MTUS2: variants seen among roughly 807,000 people sequenced by gnomAD.
MTUS2 encodes the protein microtubule-associated tumor suppressor candidate 2.
A neutral mutation model predicts 114.1 loss-of-function variants in MTUS2; 40 were observed. That is an observed-to-expected ratio of 0.35 (90% CI 0.27 to 0.46). The LOEUF (loss-of-function observed/expected upper bound fraction) is 0.46. Ranked by LOEUF, MTUS2 falls within the 20% of genes least tolerant of loss-of-function variation. The pLI is 1.00. For missense variants in MTUS2, 1,679 were observed against 1,705.4 expected, an observed-to-expected ratio of 0.98 and a Z score of 0.27; for synonymous variants, 688 against 672.0, an observed-to-expected ratio of 1.02 and a Z score of -0.37.
intron 5 of MTUS2, among the ~76,000 whole-genome samples, chr13:29,229,379 A>G (rs1896236169): frequency 6.6e-6 from 1 of 152,196 alleles, no homozygotes; most frequent in Admixed American, 6.5e-5. Flanking sequence ...AATCCACTTT[A>G]TCATGGTTCA....
chr13:29,398,081 CAT>C (rs1267380182), intron 8 of MTUS2, among the ~76,000 whole-genome samples: 3 of 152,174 alleles, frequency 2.0e-5, no homozygotes, highest in African/African-American at 7.2e-5. Flanking sequence ...TGTAAATACA[CAT>C]ATCTGTTATA....
At chr13:28,982,345 T>TA (rs1884395683) in intron 2 of MTUS2, among the ~76,000 whole-genome samples, 2 of 127,930 alleles carry the variant, frequency 1.6e-5, no homozygotes, top group Admixed American at 1.6e-4. Flanking sequence ...TGGTTATTAT[T>TA]TAAAAAAAAA....
intron 2 of MTUS2, among the ~76,000 whole-genome samples, chr13:28,867,782 A>G (rs1877389021): frequency 6.6e-6 from 1 of 152,156 alleles, no homozygotes; most frequent in Non-Finnish European, 1.5e-5. Context: ...TCCCGTGCCT[A>G]CTGTTTGCCA....
chr13:29,212,018 T>C (rs1407428121), intron 5 of MTUS2, among the ~76,000 whole-genome samples: 2 of 152,210 alleles, frequency 1.3e-5, no homozygotes, highest in African/African-American at 4.8e-5. Context: ...CTTCTGCTTA[T>C]ACTGGGTTTG....
chr13:29,050,823 C>T lies in MTUS2; in HGVS notation c.2446+16698C>T, dbSNP rs912715411. ...TGTCTAGCTGTTTGCACAAGTAGTA[C>T]GTTCCAGGCAGAAGAAACAACACAC... On this transcript the variant is annotated intron_variant, in intron 4 of 15. Coordinates refer to ENST00000612955, the MANE Select transcript of MTUS2 (RefSeq NM_001033602.4). Among the ~76,000 whole-genome samples the T allele has an allele frequency of 1.2e-4, 19 of 152,152 alleles. No homozygotes were observed. The South Asian group carries it at 2.1e-3, about 17-fold the overall frequency.
rs543560617 is a variant in MTUS2 at position 29,014,212 on chromosome 13, C to T, written c.-242-10245C>T. Among the ~76,000 whole-genome samples, 13 of 152,332 alleles carry T rather than the reference C, an allele frequency of 8.5e-5. No homozygotes were observed. The South Asian group carries it at 2.7e-3, about 32-fold the overall frequency. ...GGCTGAGGAGCCAGGCCCCACCCTG[C>T]TGTGACAGGGCCTACCTGTGGGACT... is the stretch of plus-strand genomic sequence containing the variant. On this transcript the variant is annotated intron_variant, in intron 2 of 15. Coordinates refer to ENST00000612955, the MANE Select transcript of MTUS2 (RefSeq NM_001033602.4).
At chr13:29,193,127 T>C (rs1296166871) in intron 5 of MTUS2, among the ~76,000 whole-genome samples, 1 of 152,176 alleles carries the variant, frequency 6.6e-6, no homozygotes, top group Non-Finnish European at 1.5e-5. Flanking sequence ...ATGCTGTTAA[T>C]ATATACCTTG....
intron 5 of MTUS2, among the ~76,000 whole-genome samples, chr13:29,258,402 T>C (rs542784812): frequency 7.4e-4 from 113 of 152,324 alleles, no homozygotes; most frequent in Non-Finnish European, 1.4e-3. Flanking sequence ...ATGCTGTGCT[T>C]TTCAAGGACT....
At chr13:29,238,958 G>A (rs1357682717) in intron 5 of MTUS2, among the ~76,000 whole-genome samples, 1 of 152,116 alleles carries the variant, frequency 6.6e-6, no homozygotes, top group Non-Finnish European at 1.5e-5. Flanking sequence ...TGGAGGGTGG[G>A]GTAAATGGGG....
chr13:28,827,931 A>G (rs1874381012), intron 1 of MTUS2, among the ~76,000 whole-genome samples: 1 of 152,240 alleles, frequency 6.6e-6, no homozygotes, highest in Non-Finnish European at 1.5e-5. Context: ...AGTTTTGGGC[A>G]TGCATTGTCA....
At chr13:29,250,685 T>G (rs1158539754) in intron 5 of MTUS2, 1 of 152,098 alleles carries the variant, frequency 6.6e-6, no homozygotes, top group Non-Finnish European at 1.5e-5. Context: ...AAATTTTGGC[T>G]TACATACGAC....
At chr13:28,931,853 G>C (rs575590637) in intron 2 of MTUS2, among the ~76,000 whole-genome samples, 5 of 151,726 alleles carry the variant, frequency 3.3e-5, no homozygotes, top group Non-Finnish European at 7.4e-5. Context: ...AACAGTCCCC[G>C]TTGTGTGATG....
intron 8 of MTUS2, among the ~76,000 whole-genome samples, chr13:29,395,501 G>C (rs1022381048): frequency 6.6e-6 from 1 of 152,182 alleles, no homozygotes; most frequent in African/African-American, 2.4e-5. Context: ...TGTTAACTGA[G>C]ATGAGGAAAA....
intron 4 of MTUS2, among the ~76,000 whole-genome samples, chr13:29,055,529 C>A (rs1339427455): frequency 6.6e-6 from 1 of 152,116 alleles, no homozygotes; most frequent in Non-Finnish European, 1.5e-5. Flanking sequence ...CCACCTTCTA[C>A]CCTCAAGTAG....
intron 8 of MTUS2, among the ~76,000 whole-genome samples, chr13:29,389,231 ATG>A (rs1372582620): frequency 9.2e-6 from 1 of 109,154 alleles, no homozygotes; most frequent in African/African-American, 3.1e-5. Flanking sequence ...GTATGTATAT[ATG>A]TATGTGTGTA....
chr13:29,034,154 C>T (rs1886958954), intron 4 of MTUS2, 29 bp downstream of exon 4: 1 of 1,612,618 alleles, frequency 6.2e-7, no homozygotes, highest in African/African-American at 1.3e-5. Flanking sequence ...TCTGCCTTTT[C>T]CTGCTGTACG....
intron 7 of MTUS2, among the ~76,000 whole-genome samples, chr13:29,330,415 G>A (rs1386613981): frequency 6.6e-6 from 1 of 152,100 alleles, no homozygotes; most frequent in African/African-American, 2.4e-5. Flanking sequence ...AGTTTCTTTT[G>A]CTGTGCAGAA....
intron 2 of MTUS2, among the ~76,000 whole-genome samples, chr13:28,952,566 T>G (rs1317262859): frequency 6.6e-6 from 1 of 152,216 alleles, no homozygotes; most frequent in Admixed American, 6.5e-5. Flanking sequence ...TCTCTCATCA[T>G]GCTTGGTAAC....
At chr13:29,100,468 T>G (rs1225822911) in intron 4 of MTUS2, among the ~76,000 whole-genome samples, 4 of 152,222 alleles carry the variant, frequency 2.6e-5, no homozygotes, top group Non-Finnish European at 5.9e-5. Flanking sequence ...CTTAAGCACT[T>G]GATACCTTTT....
Sources: gnomAD v4.1 joint callset for allele counts (sites outside exome capture counted in the v4.1 genomes callset) on GRCh38, gnomAD v4.1.1 for gene constraint, MANE v1.5 for transcripts, NCBI Gene and HGNC (gene_info 2026-07-23, HGNC 2026-07-21) for gene names.